Variants in KIFC3 observed in about 807,000 individuals in gnomAD.
KIFC3 encodes the protein kinesin-like protein KIFC3.
Under a neutral mutation model 101.8 loss-of-function variants are expected in KIFC3, and 60 were observed. The ratio of observed to expected loss-of-function variants is 0.59; its 90% CI spans 0.48 to 0.73. The LOEUF (loss-of-function observed/expected upper bound fraction) is 0.73. Ranked by LOEUF, KIFC3 falls within the 30% of genes least tolerant of loss-of-function variation. The pLI is 0.00. For synonymous variants in KIFC3, 476 were observed against 482.7 expected, an observed-to-expected ratio of 0.99 and a Z score of 0.18; for missense variants, 966 against 1,137.1, an observed-to-expected ratio of 0.85 and a Z score of 2.16.
intron 1 of KIFC3, among the ~76,000 whole-genome samples, chr16:57,826,627 G>C (rs970486462): frequency 1.3e-5 from 2 of 152,154 alleles, no homozygotes; most frequent in African/African-American, 4.8e-5. Context: ...ACTAGAGGGA[G>C]GCTCATAGAT....
Position 57,769,375 on chromosome 16 carries a change from T to C in KIFC3, c.1218+220A>G, listed in dbSNP as rs1344859490. On this transcript the variant is annotated intron_variant, in intron 9 of 19. Coordinates refer to ENST00000445690, the MANE Select transcript of KIFC3 (RefSeq NM_001130100.2). The surrounding 1 kb of genome is among the most constrained non-coding windows in gnomAD (Gnocchi z 4.3). ...ATGAAGTTATCTGTAACATGTTTGG[T>C]TTAAAGAATCATAGTAAGACAAATA... Among the ~76,000 whole-genome samples, 1 of 152,146 alleles carries C rather than the reference T, an allele frequency of 6.6e-6. No homozygotes were observed. Among genetic ancestry groups the C allele is most frequent in the Admixed American group, 6.6e-5 (1 of 15,262 alleles).
rs1388929493 is a variant in KIFC3, at chr16:57,765,631, C to T, written c.1340G>A (p.Arg447Gln). Residue 447 changes from arginine to glutamine, a missense_variant, in exon 11 of 20, where the codon CGA becomes CAA. Physicochemically the swap from Arg to Gln is conservative, Grantham distance 43. Coordinates refer to ENST00000445690, the MANE Select transcript of KIFC3 (RefSeq NM_001130100.2). ...GACTGGCCGGACACGAGCAATCACT[C>T]GGATGTTCCCTGGATTGGTTGGGGA... ...NELVRLKGNI[R>Q]VIARVRPVTK... The T allele has an allele frequency of 6.2e-6, 10 of 1,610,142 alleles. No homozygotes were observed. Among genetic ancestry groups the T allele is most frequent in the South Asian group, 1.1e-5 (1 of 89,984 alleles).
chr16:57,771,671 C>G lies in KIFC3; in HGVS notation c.397G>C (p.Glu133Gln), dbSNP rs782103654. The change falls in exon 5 of 20, where the codon GAG becomes CAG. Residue 133 changes from glutamate (E) to glutamine (Q), a missense_variant. Transcript: ENST00000445690. ...LRSELGGTDL[E>Q]KHRDLLMVEN... ...ACCATCAGCAGGTCCCGGTGCTTCT[C>G]CAAGTCGGTGCCCCCCTGCAGAGAG... 1.9e-6 allele frequency: 3 copies of G among 1,612,104 alleles called. No individual in the cohort carries two copies. The highest frequency in any genetic ancestry group is 1.3e-5 in the African/African-American group (1 of 75,034).
At chr16:57,825,356 G>A (rs1396418059) in intron 1 of KIFC3, among the ~76,000 whole-genome samples, 1 of 152,206 alleles carries the variant, frequency 6.6e-6, no homozygotes, top group East Asian at 1.9e-4. Context: ...AGGGAAAATG[G>A]GGTTTGCACA....
chr16:57,801,222 G>A (rs571432496), intron 1 of KIFC3, among the ~76,000 whole-genome samples: 77 of 152,332 alleles, frequency 5.1e-4, no homozygotes, highest in African/African-American at 1.6e-3. Flanking sequence ...CTAGATCAGG[G>A]ACATTGCAAA....
intron 1 of KIFC3, among the ~76,000 whole-genome samples, chr16:57,848,457 T>C (rs1465034699): frequency 4.6e-5 from 7 of 152,074 alleles, no homozygotes; most frequent in Non-Finnish European, 1.0e-4. Context: ...CCAGATCCCA[T>C]CTCTACAAAA....
chr16:57,813,238 G>A (rs1166367124), intron 1 of KIFC3, among the ~76,000 whole-genome samples: 8 of 152,074 alleles, frequency 5.3e-5, no homozygotes, highest in African/African-American at 1.7e-4. Context: ...TGAGGCAGGC[G>A]AATCACTTGA....
At chr16:57,853,333 C>A (rs1487533968) in intron 1 of KIFC3, among the ~76,000 whole-genome samples, 2 of 152,016 alleles carry the variant, frequency 1.3e-5, no homozygotes, top group African/African-American at 2.4e-5. Flanking sequence ...GCAGGAGAAT[C>A]ACTTGAACCC....
chr16:57,768,507 T>TCACACACACACACACA (rs1384372811), intron 9 of KIFC3, among the ~76,000 whole-genome samples: 10 of 12,598 alleles, frequency 7.9e-4, no homozygotes, highest in Non-Finnish European at 1.7e-3. Flanking sequence ...TACCATATAT[T>TCACACACACACACACA]CTCACACACA....
At position 57,758,515 on chromosome 16, in the gene KIFC3, C is replaced by A. The variant is rs1029989350; in HGVS notation, c.*419G>T. On this transcript the variant is annotated 3_prime_UTR_variant, in exon 20 of 20. Transcript: ENST00000445690. ...ACCCCAGTCCCCATGGTTCTTGGGT[C>A]TGCCCAGAGGCTCCTCGCCCACCCC... 4.2e-5 allele frequency: 21 copies of A among 501,152 alleles called. No individual in the cohort carries two copies. The highest frequency in any genetic ancestry group is 7.5e-5 in the Non-Finnish European group (20 of 266,510). The allele number at this position is 501,152 out of a possible 1,614,324, so 31.0% of individuals were successfully genotyped here.
chr16:57,786,917 A>C (rs1323729619), intron 3 of KIFC3, among the ~76,000 whole-genome samples: 1 of 152,196 alleles, frequency 6.6e-6, no homozygotes, highest in Non-Finnish European at 1.5e-5. Flanking sequence ...AACCCGCTCT[A>C]GGAGAGCAGG....
rs547332233 is a variant in KIFC3 at position 57,810,668 on chromosome 16, T to A, written c.109-12386A>T. 1.9e-5 allele frequency: 19 copies of A among 985,540 alleles called. No homozygotes were observed. In the South Asian group the frequency reaches 8.5e-4, roughly 44 times the overall value. The allele number at this position is 985,540 out of a possible 1,614,324, so 61.0% of individuals were successfully genotyped here. A position where few individuals can be genotyped will look rare whatever the true frequency, so the allele number is the denominator to read the frequency against. ...GGCCCTGAATGCCAGGACGGGAATT[T>A]AATCTAATTCAACTTCAGCAATGGG... On this transcript the variant is annotated intron_variant, in intron 1 of 2. Transcript: ENST00000563028.
rs782012215 is a variant in KIFC3, at chr16:57,758,914, A to G, written c.*25-5T>C. 76 of 1,573,074 alleles carry G rather than the reference A, an allele frequency of 4.8e-5. No individual in the cohort carries two copies. The East Asian group carries it at 1.6e-3, about 33-fold the overall frequency. On this transcript the variant is annotated splice_polypyrimidine_tract_variant and splice_region_variant and intron_variant, in intron 19 of 19. Coordinates refer to ENST00000445690, the MANE Select transcript of KIFC3 (RefSeq NM_001130100.2). ...CAGGCAGTGGCCGCGACTTCCCTGC[A>G]GGGGCATGAGATCATCAGCCTCTTG...
At chr16:57,785,845 C>A (rs565023169) in intron 3 of KIFC3, among the ~76,000 whole-genome samples, 123 of 146,086 alleles carry the variant, frequency 8.4e-4, no homozygotes, top group Non-Finnish European at 1.3e-3. Context: ...CAGGGCCTGT[C>A]CCAGAAGAAG....
chr16:57,855,437 G>A (rs2056146575), intron 1 of KIFC3, among the ~76,000 whole-genome samples: 1 of 151,894 alleles, frequency 6.6e-6, no homozygotes. Context: ...AAAGGTGAAA[G>A]TTTGGATAGA....
rs988186754 is a variant in KIFC3, at chr16:57,758,752, T to C, written c.*182A>G. 4 of 982,142 alleles carry C rather than the reference T, an allele frequency of 4.1e-6. No homozygotes were observed. Among genetic ancestry groups the C allele is most frequent in the Non-Finnish European group, 6.5e-6 (4 of 619,320 alleles). The allele number at this position is 982,142 out of a possible 1,614,324, so 60.8% of individuals were successfully genotyped here. A position where few individuals can be genotyped will look rare whatever the true frequency, so the allele number is the denominator to read the frequency against. On this transcript the variant is annotated 3_prime_UTR_variant, in exon 20 of 20. Transcript: ENST00000445690. The stretch of plus-strand genomic sequence containing the variant: ...GAGAGACACCGTTTCCTTCTGAACA[T>C]GTTTCTCATCTTTGAGGGGAGACGG...
chr16:57,775,144 TC>T, intron 3 of KIFC3: 1 of 1,371,710 alleles, frequency 7.3e-7, no homozygotes, highest in Non-Finnish European at 9.4e-7. Context: ...ACCTGGGGGC[TC>T]CTGGGCTCTG....
At chr16:57,802,576 G>A, upstream of KIFC3, 4 of 994,760 alleles carry the variant, frequency 4.0e-6, no homozygotes, top group Non-Finnish European at 4.8e-6. The surrounding 1 kb of genome is among the most constrained non-coding windows in gnomAD (Gnocchi z 5.0). Flanking sequence ...GGGGGGCGGC[G>A]GCGCGCGCCC....
chr16:57,783,494 C>CA (rs1475345992), intron 3 of KIFC3, among the ~76,000 whole-genome samples: 5 of 100,478 alleles, frequency 5.0e-5, no homozygotes, highest in Non-Finnish European at 9.6e-5. Flanking sequence ...TTTTTTGAGA[C>CA]AGAGTTTCAC....
Sources: gnomAD v4.1 joint callset for allele counts (sites outside exome capture counted in the v4.1 genomes callset) on GRCh38, gnomAD v4.1.1 for gene constraint, Gnocchi (gnomAD v3.1) non-coding constraint, MANE v1.5 for transcripts, NCBI Gene and HGNC (gene_info 2026-07-23, HGNC 2026-07-21) for gene names.